The following SHANK2 variants were observed in gnomAD, a reference collection of about 807,000 sequenced individuals.
SHANK2 encodes the protein SH3 and multiple ankyrin repeat domains 2.
SHANK2 carries 43 observed loss-of-function variants against 133.7 expected under a neutral mutation model. The observed-to-expected ratio is 0.32, with a 90% CI of 0.25 to 0.41. The LOEUF (loss-of-function observed/expected upper bound fraction) is 0.41, where lower values mean the gene tolerates loss of function less well. SHANK2 is among the 10% of genes least tolerant of loss of function. SHANK2 has a pLI of 1.00. For synonymous variants in SHANK2, 1,017 were observed against 952.8 expected (o/e 1.07, Z -1.24); for missense variants, 1,994 against 2,235.8 (o/e 0.89, Z 2.18).
intron 14 of SHANK2, among the ~76,000 whole-genome samples, chr11:70,749,582 C>T (rs1389251143): frequency 6.6e-6 from 1 of 152,176 alleles, no homozygotes; most frequent in Non-Finnish European, 1.5e-5. Flanking sequence ...TGAGATGATG[C>T]AGATGCTGGA....
chr11:71,246,553 C>A (rs1336487582), intron 1 of SHANK2, among the ~76,000 whole-genome samples: 1 of 152,176 alleles, frequency 6.6e-6, no homozygotes, highest in Non-Finnish European at 1.5e-5. Context: ...ACTAAGATCT[C>A]CCTTGCAGGG....
At chr11:71,174,758 C>T (rs1953392584) in intron 2 of SHANK2, 1 of 151,570 alleles carries the variant, frequency 6.6e-6, no homozygotes, top group East Asian at 1.9e-4. Context: ...GAGGCTGAGG[C>T]AGGAGAATTG....
intron 11 of SHANK2, among the ~76,000 whole-genome samples, chr11:70,823,168 GCTCAC>G (rs1948568151): frequency 1.7e-4 from 1 of 5,872 alleles, no homozygotes; most frequent in African/African-American, 1.3e-3. Context: ...CGCTGGCAGA[GCTCAC>G]GGGGGACAGA....
At chr11:70,594,013 A>C (rs1381211193) in intron 17 of SHANK2, among the ~76,000 whole-genome samples, 1 of 152,124 alleles carries the variant, frequency 6.6e-6, no homozygotes, top group Non-Finnish European at 1.5e-5. Context: ...TTGCAGAAAG[A>C]AGGGTGGACC....
At chr11:71,194,741 A>G (rs1400544570) in intron 2 of SHANK2, among the ~76,000 whole-genome samples, 2 of 152,242 alleles carry the variant, frequency 1.3e-5, no homozygotes, top group Admixed American at 6.5e-5. Context: ...CTGGCAAAGT[A>G]TACTTGACAG....
At chr11:71,185,985 C>A (rs201325128) in intron 2 of SHANK2, among the ~76,000 whole-genome samples, 6 of 152,278 alleles carry the variant, frequency 3.9e-5, no homozygotes, top group East Asian at 1.9e-4. Context: ...ACGGTGACAC[C>A]CCCAAAGGGT....
chr11:70,686,427 T>C (rs1462408289), intron 15 of SHANK2, among the ~76,000 whole-genome samples: 1 of 150,492 alleles, frequency 6.6e-6, no homozygotes, highest in Non-Finnish European at 1.5e-5. Flanking sequence ...TACCCATCCA[T>C]CCATTCATCT....
At chr11:70,875,482 C>T (rs1439019321) in intron 11 of SHANK2, among the ~76,000 whole-genome samples, 1 of 151,940 alleles carries the variant, frequency 6.6e-6, no homozygotes, top group Admixed American at 6.6e-5. Context: ...CGAGATTGCG[C>T]CACTGCACTC....
chr11:71,136,738 C>A (rs782425691), intron 3 of SHANK2, among the ~76,000 whole-genome samples: 3 of 152,182 alleles, frequency 2.0e-5, no homozygotes, highest in Non-Finnish European at 4.4e-5. Context: ...GCTTCCTGGT[C>A]GTCAGGGGCT....
At chr11:70,665,087 G>A in intron 15 of SHANK2, among the ~76,000 whole-genome samples, 1 of 152,156 alleles carries the variant, frequency 6.6e-6, no homozygotes, top group East Asian at 1.9e-4. Context: ...GGACCCCTCT[G>A]ATCTCGACAT....
intron 2 of SHANK2, among the ~76,000 whole-genome samples, chr11:71,166,487 CT>C (rs1436197363): frequency 2.2e-5 from 3 of 139,262 alleles, no homozygotes; most frequent in Admixed American, 7.2e-5. Context: ...TTTTTCTTTT[CT>C]TTTTTTTTTG....
intron 11 of SHANK2, among the ~76,000 whole-genome samples, chr11:70,851,887 C>T (rs1458589847): frequency 6.6e-6 from 1 of 152,154 alleles, no homozygotes; most frequent in African/African-American, 2.4e-5. Context: ...CTCCCGGCCC[C>T]CAGGCTGGTA....
chr11:71,185,802 G>A (rs1953657281), intron 2 of SHANK2, among the ~76,000 whole-genome samples: 1 of 151,866 alleles, frequency 6.6e-6, no homozygotes, highest in Admixed American at 6.6e-5. Flanking sequence ...AAGTCTGGGG[G>A]CAAGGAGGGG....
intron 17 of SHANK2, among the ~76,000 whole-genome samples, chr11:70,589,567 G>T (rs555288852): frequency 8.0e-6 from 1 of 124,612 alleles, no homozygotes; most frequent in African/African-American, 3.2e-5. Flanking sequence ...TATGGATCAA[G>T]GAATAATTTT....
intron 16 of SHANK2, among the ~76,000 whole-genome samples, chr11:70,661,051 G>A (rs556155310): frequency 3.7e-4 from 56 of 152,344 alleles, no homozygotes; most frequent in Middle Eastern, 3.4e-3. Context: ...GTGTGCTGCC[G>A]GCTCAGTCCA....
chr11:70,951,837 G>C (rs761699521), intron 10 of SHANK2, among the ~76,000 whole-genome samples: 1 of 152,104 alleles, frequency 6.6e-6, no homozygotes, highest in African/African-American at 2.4e-5. Context: ...CTTGGCTTGC[G>C]GCCACATCAC....
intron 21 of SHANK2, among the ~76,000 whole-genome samples, chr11:70,496,405 C>T (rs190829929): frequency 5.3e-5 from 8 of 152,308 alleles, no homozygotes; most frequent in Admixed American, 1.3e-4. Context: ...GGCACCGCCT[C>T]GACTTCTCAC....
At chr11:70,599,540 G>A (rs1411065497) in intron 17 of SHANK2, among the ~76,000 whole-genome samples, 2 of 122,640 alleles carry the variant, frequency 1.6e-5, no homozygotes, top group African/African-American at 2.9e-5. Flanking sequence ...CCCAGGGGGC[G>A]GAGCCTGCAG....
chr11:70,912,079 C>CAAAAAAAAAA (rs536602235), intron 10 of SHANK2, among the ~76,000 whole-genome samples: 1 of 81,228 alleles, frequency 1.2e-5, no homozygotes. Context: ...GAGACTCTGT[C>CAAAAAAAAAA]AAAAAAAAAA....
Sources: allele counts gnomAD v4.1 joint callset (sites outside exome capture counted in the v4.1 genomes callset), GRCh38; gene constraint gnomAD v4.1.1; transcripts MANE v1.5; gene names NCBI Gene and HGNC (gene_info 2026-07-23, HGNC 2026-07-21).